ATXN8OS: variants seen among roughly 807,000 people sequenced by gnomAD.
ATXN8OS encodes ATXN8 opposite strand (non-protein coding).
At chr13:70,154,211 G>C (rs1482968663) in intron 4 of ATXN8OS, among the ~76,000 whole-genome samples, 1 of 152,126 alleles carries the variant, frequency 6.6e-6, no homozygotes, top group African/African-American at 2.4e-5. Context: ...TTGGGGAATT[G>C]AATAAAGTTT....
intron 1 of ATXN8OS, among the ~76,000 whole-genome samples, chr13:70,110,597 AAGAC>A (rs886276296): frequency 3.9e-5 from 6 of 152,002 alleles, no homozygotes; most frequent in Admixed American, 1.3e-4. Flanking sequence ...GAGAGAGGGA[AAGAC>A]AGAGACAGGA....
rs17751074 is a variant in ATXN8OS, at chr13:70,134,472, T to C, written n.499+4588T>C. Among the ~76,000 whole-genome samples the C allele has an allele frequency of 2.7e-3, 405 of 152,182 alleles. 1 individual carries two copies. Among genetic ancestry groups the C allele is most frequent in the African/African-American group, 9.4e-3 (389 of 41,526 alleles). The stretch of plus-strand genomic sequence containing the variant: ...CATGGTGGCCAGCAGCTTGCCTTCA[T>C]AGAAAGGATGCTCGTTGAGCAGAAC... On this transcript the variant is annotated intron_variant and non_coding_transcript_variant, in intron 3 of 4. Transcript: ENST00000678624.
intron 3 of ATXN8OS, among the ~76,000 whole-genome samples, chr13:70,134,306 A>G (rs1324715907): frequency 6.6e-6 from 1 of 152,216 alleles, no homozygotes; most frequent in Non-Finnish European, 1.5e-5. Flanking sequence ...AACTGAGTGA[A>G]GCATTTTATA....
chr13:70,161,231 T>C (rs893821919), intron 4 of ATXN8OS, among the ~76,000 whole-genome samples: 1 of 152,084 alleles, frequency 6.6e-6, no homozygotes, highest in African/African-American at 2.4e-5. Context: ...TCATTTAAAG[T>C]AGTATAGTTA....
At chr13:70,162,933 G>C (rs558664358) in intron 4 of ATXN8OS, among the ~76,000 whole-genome samples, 2 of 152,006 alleles carry the variant, frequency 1.3e-5, no homozygotes, top group East Asian at 3.9e-4. Flanking sequence ...TATCTTGTAG[G>C]TCTGAGCCCA....
chr13:70,124,397 G>C (rs1209090261), intron 2 of ATXN8OS, among the ~76,000 whole-genome samples: 1 of 152,044 alleles, frequency 6.6e-6, no homozygotes, highest in Non-Finnish European at 1.5e-5. Context: ...ATGCTGAGTG[G>C]AGCTGCAACA....
chr13:70,128,265 C>A (rs1781876574), intron 2 of ATXN8OS, among the ~76,000 whole-genome samples: 1 of 152,122 alleles, frequency 6.6e-6, no homozygotes, highest in African/African-American at 2.4e-5. Context: ...AAATGGGCAT[C>A]TAGAATAACA....
intron 3 of ATXN8OS, among the ~76,000 whole-genome samples, chr13:70,132,239 CTAAA>C (rs1888544110): frequency 6.6e-6 from 1 of 150,420 alleles, no homozygotes; most frequent in African/African-American, 2.4e-5. Flanking sequence ...AGTGGGGGGA[CTAAA>C]TAAAGAAAAT....
intron 1 of ATXN8OS, among the ~76,000 whole-genome samples, chr13:70,108,749 T>A (rs1203519249): frequency 6.6e-6 from 1 of 152,222 alleles, no homozygotes; most frequent in Non-Finnish European, 1.5e-5. Context: ...CTGCCATCAG[T>A]TTGCAGGTTG....
Position 70,119,755 on chromosome 13 carries a change from A to G in ATXN8OS, n.398+4457A>G, listed in dbSNP as rs78219918. 6.2e-3 allele frequency among the ~76,000 whole-genome samples: 949 copies of G among 152,258 alleles called. 7 individuals carry two copies. The highest frequency in any genetic ancestry group is 0.021 in the African/African-American group (892 of 41,566). Reference sequence around the variant, plus strand: ...ATGTGACAGGCAGAAGTCAAAACTCAGTCAAACCTTTTTGTCATGCTCAAA... The same window carrying G: ...ATGTGACAGGCAGAAGTCAAAACTCGGTCAAACCTTTTTGTCATGCTCAAA... On this transcript the variant is annotated intron_variant and non_coding_transcript_variant, in intron 2 of 4. Coordinates refer to ENST00000678624, the Ensembl canonical transcript of ATXN8OS.
chr13:70,129,751 A>G, intron 2 of ATXN8OS: 1 of 398,372 alleles, frequency 2.5e-6, no homozygotes, highest in East Asian at 3.6e-5. Context: ...TTATGTTTTA[A>G]CCTGAACTCT....
intron 4 of ATXN8OS, among the ~76,000 whole-genome samples, chr13:70,161,214 T>TA (rs1219962130): frequency 6.6e-6 from 1 of 151,974 alleles, no homozygotes; most frequent in African/African-American, 2.4e-5. Flanking sequence ...AGTGTTCCCA[T>TA]ATAGCATCAT....
At chr13:70,142,095 G>C (rs1227006611) in intron 3 of ATXN8OS, among the ~76,000 whole-genome samples, 1 of 152,068 alleles carries the variant, frequency 6.6e-6, no homozygotes, top group Non-Finnish European at 1.5e-5. Context: ...TGTTGACCAG[G>C]CTGGTCTCAA....
intron 2 of ATXN8OS, among the ~76,000 whole-genome samples, chr13:70,116,063 C>G (rs997426853): frequency 6.6e-6 from 1 of 151,872 alleles, no homozygotes; most frequent in African/African-American, 2.4e-5. Flanking sequence ...AAAATTCAGT[C>G]TCTGCATTAT....
At chr13:70,151,525 C>G (rs1250681687) in intron 4 of ATXN8OS, among the ~76,000 whole-genome samples, 1 of 151,960 alleles carries the variant, frequency 6.6e-6, no homozygotes, top group Non-Finnish European at 1.5e-5. Flanking sequence ...GCACAAGAAA[C>G]AGCTTGAACA....
chr13:70,137,197 T>C (rs577591113), intron 3 of ATXN8OS, among the ~76,000 whole-genome samples: 1 of 152,336 alleles, frequency 6.6e-6, no homozygotes, highest in Non-Finnish European at 1.5e-5. Context: ...TTTAAAAATC[T>C]TGTCAAACAA....
At position 70,122,293 on chromosome 13, in the gene ATXN8OS, C is replaced by T. The variant is rs964648156; in HGVS notation, n.398+6995C>T. Among the ~76,000 whole-genome samples the T allele has an allele frequency of 5.9e-5, 9 of 151,894 alleles. No individual in the cohort carries two copies. The Admixed American group carries it at 5.9e-4, about 10-fold the overall frequency. ...TAACTCAATTCTATTGTCTTTTGTT[C>T]ATCTAGTATTACATCTTTAACTTAC... is the stretch of plus-strand genomic sequence containing the variant. On this transcript the variant is annotated intron_variant and non_coding_transcript_variant, in intron 2 of 4. Transcript: ENST00000678624.
At chr13:70,167,926 C>T (rs1423823035) in intron 4 of ATXN8OS, among the ~76,000 whole-genome samples, 1 of 151,674 alleles carries the variant, frequency 6.6e-6, no homozygotes, top group Non-Finnish European at 1.5e-5. Flanking sequence ...TTAATAGAGA[C>T]GGGGTTTCAC....
intron 3 of ATXN8OS, among the ~76,000 whole-genome samples, chr13:70,135,973 G>A (rs532933201): frequency 5.9e-5 from 9 of 152,208 alleles, no homozygotes; most frequent in East Asian, 5.8e-4. Context: ...AAATTAGGCC[G>A]CACTCTAAAA....
Sources: allele counts gnomAD v4.1 joint callset (sites outside exome capture counted in the v4.1 genomes callset), GRCh38; gene constraint gnomAD v4.1.1; transcripts MANE v1.5; gene names NCBI Gene and HGNC (gene_info 2026-07-23, HGNC 2026-07-21).